Variants in RAB11FIP1 observed in about 807,000 individuals in gnomAD.
The protein encoded by RAB11FIP1 is rab11 family-interacting protein 1.
In RAB11FIP1, 49 loss-of-function variants were observed where a neutral mutation model predicts 83.1. The observed-to-expected ratio is 0.59, with a 90% CI of 0.47 to 0.75. The LOEUF is 0.75. Ranked by LOEUF, RAB11FIP1 falls within the 30% of genes least tolerant of loss-of-function variation. RAB11FIP1 has a pLI of 0.00. For synonymous variants in RAB11FIP1, 670 were observed against 656.0 expected (o/e 1.02, Z -0.33); for missense variants, 1,536 against 1,598.7 (o/e 0.96, Z 0.67).
At chr8:37,884,814 G>A (rs1806795769) in intron 1 of RAB11FIP1, among the ~76,000 whole-genome samples, 1 of 151,792 alleles carries the variant, frequency 6.6e-6, no homozygotes, top group African/African-American at 2.4e-5. Flanking sequence ...CTCCCAAAGT[G>A]CCAGGATTAC....
At position 37,875,285 on chromosome 8, in the gene RAB11FIP1, C is replaced by T. The variant is rs1180354231; in HGVS notation, c.852G>A (p.Lys284=). ...GGGTAAAGTTGACCTGGTTCAGTTGCTTAAGATCCGTACTCGCTGTTCTCT... is the reference window on the plus strand; with the variant it reads ...GGGTAAAGTTGACCTGGTTCAGTTGTTTAAGATCCGTACTCGCTGTTCTCT... ...SHKRTASTDL[K]QLNQVNFTLP... Residue 284 remains lysine (K), a synonymous_variant, in exon 3 of 6, where the codon AAG becomes AAA. Coordinates refer to ENST00000330843, the MANE Select transcript of RAB11FIP1 (RefSeq NM_001002814.3). 14 of 1,613,428 alleles carry T rather than the reference C, an allele frequency of 8.7e-6. No individual in the cohort carries two copies. The highest frequency in any genetic ancestry group is 1.2e-5 in the Non-Finnish European group (14 of 1,179,808).
intron 5 of RAB11FIP1, among the ~76,000 whole-genome samples, chr8:37,865,641 T>C (rs1806328041): frequency 6.6e-6 from 1 of 152,208 alleles, no homozygotes; most frequent in Non-Finnish European, 1.5e-5. Flanking sequence ...CTTGATGATA[T>C]GTTTTATAAT....
intron 5 of RAB11FIP1, among the ~76,000 whole-genome samples, chr8:37,866,590 G>A (rs1806345809): frequency 6.6e-6 from 1 of 150,442 alleles, no homozygotes; most frequent in South Asian, 2.1e-4. Context: ...TTTTAAAACG[G>A]AAATGTTAAA....
At position 37,876,159 on chromosome 8, in the gene RAB11FIP1, C is replaced by T. The variant is rs561976393; in HGVS notation, c.815-837G>A. On this transcript the variant is annotated intron_variant, in intron 2 of 5. Coordinates refer to ENST00000330843, the MANE Select transcript of RAB11FIP1 (RefSeq NM_001002814.3). ...GCAAAGAGCCAAGATCGCACCATTG[C>T]ACTCCAGCCTGGGTGACAGAGCAAG... is the stretch of plus-strand genomic sequence containing the variant. Among the ~76,000 whole-genome samples, 6 of 151,516 alleles carry T rather than the reference C, an allele frequency of 4.0e-5. No individual in the cohort carries two copies. In the East Asian group the frequency reaches 9.7e-4, roughly 25 times the overall value.
chr8:37,894,762 A>G (rs1317401860), intron 1 of RAB11FIP1, among the ~76,000 whole-genome samples: 2 of 148,442 alleles, frequency 1.3e-5, no homozygotes, highest in African/African-American at 4.9e-5. Context: ...ATACATACAT[A>G]TTTTGAGATA....
rs1806248397 is a variant in RAB11FIP1 at position 37,862,062 on chromosome 8, A to G, written c.*833T>C. The G allele has an allele frequency of 6.5e-6, 1 of 153,884 alleles. No homozygotes were observed. The highest frequency in any genetic ancestry group is 6.4e-5 in the Admixed American group (1 of 15,670). The allele number at this position is 153,884 out of a possible 1,614,324, so 9.5% of individuals were successfully genotyped here. ...TATTAGCGAGTGCGTGGACCACCCA[A>G]TCCCCTAGCAAAGCGCTGAATAGGC... On this transcript the variant is annotated 3_prime_UTR_variant, in exon 6 of 6. Transcript: ENST00000330843.
chr8:37,877,033 G>A lies in RAB11FIP1; in HGVS notation c.814+76C>T, dbSNP rs576879569. On this transcript the variant is annotated intron_variant, in intron 2 of 5. Coordinates refer to ENST00000330843, the MANE Select transcript of RAB11FIP1 (RefSeq NM_001002814.3). ...AATTAAACTCTTTCTCTTGAGATTT[G>A]TCTGTTTCTTCTCTCTCAGAACGAA... 6 of 1,054,710 alleles carry A rather than the reference G, an allele frequency of 5.7e-6. No homozygotes were observed. The South Asian group carries it at 7.5e-5, about 13-fold the overall frequency. The allele number at this position is 1,054,710 out of a possible 1,614,324, so 65.3% of individuals were successfully genotyped here.
chr8:37,888,459 T>G (rs951493494), intron 1 of RAB11FIP1, among the ~76,000 whole-genome samples: 1 of 151,962 alleles, frequency 6.6e-6, no homozygotes, highest in Non-Finnish European at 1.5e-5. Context: ...ATGATCAGTG[T>G]GTACTTTCTT....
In RAB11FIP1 at chr8:37,881,431, AT is replaced by A. The variant is rs144593139; in HGVS notation, c.372-3881del. Reference sequence around the variant, plus strand: ...TTTTTGAGAAACATTTAAGCTTCTCATTTAAATGTCCAAAGATGAAAGAAGA... The same window carrying A: ...TTTTTGAGAAACATTTAAGCTTCTCATTAAATGTCCAAAGATGAAAGAAGA... On this transcript the variant is annotated intron_variant, in intron 1 of 5. Transcript: ENST00000330843. Among the ~76,000 whole-genome samples, 14 of 152,364 alleles carry A rather than the reference AT, an allele frequency of 9.2e-5. No homozygotes were observed. The East Asian group carries it at 2.5e-3, about 27-fold the overall frequency.
intron 5 of RAB11FIP1, among the ~76,000 whole-genome samples, chr8:37,869,591 C>CA (rs964001303): frequency 2.0e-5 from 3 of 150,258 alleles, no homozygotes; most frequent in South Asian, 2.1e-4. Flanking sequence ...GACGCCATCT[C>CA]AAAAAAAAGA....
rs765822767 is a variant in RAB11FIP1, at chr8:37,873,158, C to T, written c.1644G>A (p.Ala548=). 105 of 1,602,958 alleles carry T rather than the reference C, an allele frequency of 6.6e-5. No individual in the cohort carries two copies. The highest frequency in any genetic ancestry group is 2.4e-4 in the South Asian group (22 of 90,164). The change falls in exon 4 of 6, where the codon GCG becomes GCA. Residue 548 remains alanine (A), a synonymous_variant. Coordinates refer to ENST00000330843, the MANE Select transcript of RAB11FIP1 (RefSeq NM_001002814.3). ...VKPRLEVSPE[A]QPTARLPSPT... is the part of the protein sequence containing the mutation. ...GGGAAGGAAGCCTGGCTGTGGGTTG[C>T]GCCTCTGGAGACACTTCCAGTCTGC... is the stretch of plus-strand genomic sequence containing the variant.
chr8:37,885,018 G>A (rs551346773), intron 1 of RAB11FIP1, among the ~76,000 whole-genome samples: 2 of 143,324 alleles, frequency 1.4e-5, no homozygotes, highest in South Asian at 2.2e-4. Flanking sequence ...TTTTTGAGAT[G>A]GAGTCTCACC....
chr8:37,871,218 G>A, intron 4 of RAB11FIP1, 60 bp downstream of exon 4: 2 of 1,535,354 alleles, frequency 1.3e-6, no homozygotes, highest in Non-Finnish European at 1.7e-6. Context: ...AACCTCTGCA[G>A]GTAGGAAGCA....
intron 5 of RAB11FIP1, among the ~76,000 whole-genome samples, chr8:37,864,125 C>G (rs1161941192): frequency 6.6e-6 from 1 of 152,226 alleles, no homozygotes; most frequent in Non-Finnish European, 1.5e-5. Context: ...GCCACCATGC[C>G]CCGTCCTCAC....
In RAB11FIP1 at chr8:37,861,651, C is replaced by T. The variant is rs576993327; in HGVS notation, c.*1244G>A. ...TTGCCCAGGCTGGAGTGCAGTGGCA[C>T]GATCTTGGCTCGCTGCAGCCTCCAT... On this transcript the variant is annotated 3_prime_UTR_variant, in exon 6 of 6. Transcript: ENST00000330843. 106 of 425,508 alleles carry T rather than the reference C, an allele frequency of 2.5e-4. No homozygotes were observed. The highest frequency in any genetic ancestry group is 7.8e-4 in the Middle Eastern group (1 of 1,282). The allele number at this position is 425,508 out of a possible 1,614,324, so 26.4% of individuals were successfully genotyped here.
Position 37,872,175 on chromosome 8 carries a change from C to T in RAB11FIP1, c.2627G>A (p.Gly876Asp). The part of the protein sequence containing the change: ...SVTTPGPATC[G>D]APASPADHLL... ...GTGATCCGCTGGGGAGGCTGGCGCA[C>T]CACACGTCGCTGGCCCAGGTGTGGT... Residue 876 changes from glycine to aspartate, a missense_variant, in exon 4 of 6, where the codon GGT (glycine) becomes GAT (aspartate). Coordinates refer to ENST00000330843, the MANE Select transcript of RAB11FIP1 (RefSeq NM_001002814.3). 2 of 1,614,014 alleles carry T rather than the reference C, an allele frequency of 1.2e-6. No homozygotes were observed. Among genetic ancestry groups the T allele is most frequent in the Non-Finnish European group, 8.5e-7 (1 of 1,179,974 alleles).
At chr8:37,891,400 C>T (rs934971417) in intron 1 of RAB11FIP1, among the ~76,000 whole-genome samples, 14 of 151,966 alleles carry the variant, frequency 9.2e-5, no homozygotes, top group African/African-American at 2.9e-4. Flanking sequence ...TTTTCCAGGG[C>T]GTATAGCAAT....
At chr8:37,889,860 C>T (rs559159186) in intron 1 of RAB11FIP1, among the ~76,000 whole-genome samples, 5 of 152,036 alleles carry the variant, frequency 3.3e-5, no homozygotes, top group South Asian at 4.1e-4. Flanking sequence ...CTTGGCTCAC[C>T]GCAAGCTCTG....
Position 37,874,836 on chromosome 8 carries a change from G to A in RAB11FIP1, c.1301C>T (p.Ser434Phe), listed in dbSNP as rs1003816626. 3 of 1,614,028 alleles carry A rather than the reference G, an allele frequency of 1.9e-6. No homozygotes were observed. The highest frequency in any genetic ancestry group is 2.7e-5 in the African/African-American group (2 of 74,894). The change falls in exon 3 of 6, where the codon TCC becomes TTC. Residue 434 changes from serine (S) to phenylalanine (F), a missense_variant. Physicochemically the swap from Ser to Phe is radical, Grantham distance 155. Transcript: ENST00000330843. The stretch of plus-strand genomic sequence containing the variant: ...CCCCGTCATCAGAGACAGCAAAGAG[G>A]ACCTCCTGCTCTCTGGCTTCTTGCT... ...KESKKPESRR[S>F]SLLSLMTGKK...
Sources: allele counts gnomAD v4.1 joint callset (sites outside exome capture counted in the v4.1 genomes callset), GRCh38; gene constraint gnomAD v4.1.1; transcripts MANE v1.5; gene names NCBI Gene and HGNC (gene_info 2026-07-23, HGNC 2026-07-21).